ADGRL2: variants seen among roughly 807,000 people sequenced by gnomAD.
The protein encoded by ADGRL2 is adhesion G protein-coupled receptor L2.
In ADGRL2, 44 loss-of-function variants were observed where a neutral mutation model predicts 157.4. That is an observed-to-expected ratio of 0.28 (90% CI 0.22 to 0.36). ADGRL2 has a LOEUF of 0.36. Ranked by LOEUF, ADGRL2 falls within the 10% of genes least tolerant of loss-of-function variation. The pLI, the probability that ADGRL2 is intolerant of heterozygous loss-of-function variation, is 1.00. For synonymous variants in ADGRL2, 585 were observed against 624.7 expected (o/e 0.94, Z 0.95); for missense variants, 1,510 against 1,768.9 (o/e 0.85, Z 2.63).
chr1:81,844,751 C>T (rs2092721316), intron 2 of ADGRL2, among the ~76,000 whole-genome samples: 1 of 152,130 alleles, frequency 6.6e-6, no homozygotes, highest in Non-Finnish European at 1.5e-5. Flanking sequence ...TCGGGATCTC[C>T]TGGCTAAAAT....
chr1:81,908,241 A>G (rs570163806), intron 3 of ADGRL2, among the ~76,000 whole-genome samples: 1 of 152,202 alleles, frequency 6.6e-6, no homozygotes, highest in Non-Finnish European at 1.5e-5. Context: ...CTGACAATGC[A>G]TATCCCAGAA....
intron 17 of ADGRL2, among the ~76,000 whole-genome samples, chr1:81,974,387 A>G (rs1004666900): frequency 1.3e-5 from 2 of 152,146 alleles, no homozygotes; most frequent in African/African-American, 2.4e-5. Flanking sequence ...CTCCATCTGC[A>G]TCGTTAATAA....
chr1:81,659,214 A>G (rs2082602117), intron 3 of ADGRL2, among the ~76,000 whole-genome samples: 2 of 151,948 alleles, frequency 1.3e-5, no homozygotes, highest in Admixed American at 6.6e-5. Context: ...GGTATGCACC[A>G]TCACGGCCGG....
chr1:81,310,402 G>A (rs1659664679), intron 1 of ADGRL2, among the ~76,000 whole-genome samples: 1 of 151,988 alleles, frequency 6.6e-6, no homozygotes, highest in African/African-American at 2.4e-5. Context: ...TTTGACCTGT[G>A]GATATCAGAT....
chr1:81,359,665 T>C (rs538079486), intron 1 of ADGRL2, among the ~76,000 whole-genome samples: 4 of 152,010 alleles, frequency 2.6e-5, no homozygotes, highest in Non-Finnish European at 5.9e-5. Context: ...TAATAGTAAC[T>C]ACACACTTGT....
intron 2 of ADGRL2, among the ~76,000 whole-genome samples, chr1:81,564,772 C>T (rs1306362294): frequency 6.6e-6 from 1 of 152,150 alleles, no homozygotes. Context: ...ACCTGAGAAG[C>T]TGCCCACCAC....
intron 2 of ADGRL2, among the ~76,000 whole-genome samples, chr1:81,576,934 C>T (rs908556352): frequency 6.6e-5 from 10 of 152,104 alleles, no homozygotes; most frequent in Non-Finnish European, 1.3e-4. Flanking sequence ...GGGACATAGA[C>T]ATCATGTTGT....
At chr1:81,913,282 T>C (rs2094775834) in intron 3 of ADGRL2, among the ~76,000 whole-genome samples, 1 of 152,226 alleles carries the variant, frequency 6.6e-6, no homozygotes, top group African/African-American at 2.4e-5. Context: ...GAGAACTTCT[T>C]GTGTGCCAGA....
intron 1 of ADGRL2, among the ~76,000 whole-genome samples, chr1:81,347,145 T>A (rs1053028792): frequency 1.7e-4 from 26 of 152,248 alleles, no homozygotes; most frequent in Admixed American, 3.9e-4. Context: ...ATGCCTGTAA[T>A]CTCAGCACTT....
intron 17 of ADGRL2, among the ~76,000 whole-genome samples, chr1:81,972,620 T>C (rs1420852071): frequency 1.3e-5 from 2 of 152,064 alleles, no homozygotes; most frequent in African/African-American, 2.4e-5. Context: ...ATTTAAAACT[T>C]TCACTCAGGC....
At chr1:81,390,460 T>C (rs1043801931) in intron 1 of ADGRL2, among the ~76,000 whole-genome samples, 5 of 152,306 alleles carry the variant, frequency 3.3e-5, no homozygotes, top group African/African-American at 7.2e-5. Context: ...GAGAAAGAGA[T>C]GTAATACATG....
intron 3 of ADGRL2, among the ~76,000 whole-genome samples, chr1:81,642,556 A>T (rs541534591): frequency 6.6e-6 from 1 of 152,268 alleles, no homozygotes; most frequent in East Asian, 1.9e-4. Flanking sequence ...AACCTTCCAA[A>T]ACTGAAAGCA....
At chr1:81,684,795 A>T (rs1264141342) in intron 3 of ADGRL2, among the ~76,000 whole-genome samples, 1 of 152,106 alleles carries the variant, frequency 6.6e-6, no homozygotes, top group Non-Finnish European at 1.5e-5. Context: ...ATCCATCTTG[A>T]GTTGATATTT....
intron 3 of ADGRL2, among the ~76,000 whole-genome samples, chr1:81,926,201 A>G (rs754772956): frequency 2.6e-5 from 4 of 152,154 alleles, no homozygotes; most frequent in Non-Finnish European, 5.9e-5. Flanking sequence ...ACTGAGGATA[A>G]TTAGAAGGAA....
intron 1 of ADGRL2, among the ~76,000 whole-genome samples, chr1:81,401,877 T>C (rs1020007530): frequency 6.6e-6 from 1 of 152,234 alleles, no homozygotes; most frequent in Non-Finnish European, 1.5e-5. Flanking sequence ...ATATTCTGTT[T>C]ATATACCTAG....
At chr1:81,950,569 C>T (rs1010591801) in intron 7 of ADGRL2, 87 bp downstream of exon 7, 17 of 1,265,282 alleles carry the variant, frequency 1.3e-5, no homozygotes, top group East Asian at 9.6e-5. Context: ...TCAAAGAAAG[C>T]GATGTTTACA....
intron 1 of ADGRL2, among the ~76,000 whole-genome samples, chr1:81,728,878 T>C (rs1186281203): frequency 6.6e-6 from 1 of 152,132 alleles, no homozygotes; most frequent in African/African-American, 2.4e-5. Context: ...TTAGATCCAC[T>C]TCTCTTGGGG....
intron 1 of ADGRL2, among the ~76,000 whole-genome samples, chr1:81,432,358 T>C (rs1383010789): frequency 6.6e-6 from 1 of 152,216 alleles, no homozygotes. Flanking sequence ...GCTGTCTTGA[T>C]GTTTTCTTCT....
chr1:81,689,071 T>C (rs1279984184), intron 3 of ADGRL2, among the ~76,000 whole-genome samples: 1 of 152,168 alleles, frequency 6.6e-6, no homozygotes, highest in African/African-American at 2.4e-5. Context: ...CAGTGCCTGT[T>C]CTGGTGGACG....
Sources: gnomAD v4.1 joint callset for allele counts (sites outside exome capture counted in the v4.1 genomes callset) on GRCh38, gnomAD v4.1.1 for gene constraint, MANE v1.5 for transcripts, NCBI Gene and HGNC (gene_info 2026-07-23, HGNC 2026-07-21) for gene names.